NFE2L2: variants seen among roughly 807,000 people sequenced by gnomAD.
NFE2L2 encodes the protein nuclear factor erythroid 2-related factor 2.
Under a neutral mutation model 49.6 loss-of-function variants are expected in NFE2L2, and 20 were observed. The observed-to-expected ratio is 0.40, with a 90% CI of 0.28 to 0.59. The LOEUF (loss-of-function observed/expected upper bound fraction) is 0.59. Ranked by LOEUF, NFE2L2 falls within the 20% of genes least tolerant of loss-of-function variation. NFE2L2 has a pLI of 0.40. For missense variants in NFE2L2, 578 were observed against 714.2 expected (o/e 0.81, Z 2.17); for synonymous variants, 244 against 256.5 (o/e 0.95, Z 0.47).
intron 1 of NFE2L2, among the ~76,000 whole-genome samples, chr2:177,255,279 C>T (rs1024018845): frequency 1.3e-5 from 2 of 152,174 alleles, no homozygotes; most frequent in African/African-American, 4.8e-5. Context: ...ATACATTCCC[C>T]CTCCTTCCTG....
rs143406266 is a variant in NFE2L2, at chr2:177,264,662, T to TGGCGGCGGC, written c.-95_-87dup. The TGGCGGCGGC allele has an allele frequency of 8.5e-7, 1 of 1,176,876 alleles. No individual in the cohort carries two copies. Among genetic ancestry groups the TGGCGGCGGC allele is most frequent in the Non-Finnish European group, 1.1e-6 (1 of 912,692 alleles). The allele number at this position is 1,176,876 out of a possible 1,614,324, so 72.9% of individuals were successfully genotyped here. A position where few individuals can be genotyped will look rare whatever the true frequency, so the allele number is the denominator to read the frequency against. On this transcript the variant is annotated 5_prime_UTR_variant, in exon 1 of 5. Coordinates refer to ENST00000397062, the MANE Select transcript of NFE2L2 (RefSeq NM_006164.5). Reference sequence around the variant, plus strand: ...CGCGGCGCGGACAGGGCGGCTCTGGTGGCGGCGGCGGCGGCGGTGGCGGCT... The same window carrying TGGCGGCGGC: ...CGCGGCGCGGACAGGGCGGCTCTGGTGGCGGCGGCGGCGGCGGCGGCGGCGGTGGCGGCT...
At chr2:177,259,615 T>G (rs1226590452) in intron 1 of NFE2L2, among the ~76,000 whole-genome samples, 1 of 151,618 alleles carries the variant, frequency 6.6e-6, no homozygotes, top group Non-Finnish European at 1.5e-5. Flanking sequence ...CTTGTTTTCA[T>G]GTCTAGGGTA....
chr2:177,258,340 C>T (rs1449469074), intron 1 of NFE2L2, among the ~76,000 whole-genome samples: 1 of 151,876 alleles, frequency 6.6e-6, no homozygotes, highest in African/African-American at 2.4e-5. Context: ...AGGATAAATA[C>T]TGTATGATTC....
At chr2:177,236,633 C>A (rs1028296508) in intron 1 of NFE2L2, among the ~76,000 whole-genome samples, 1 of 152,192 alleles carries the variant, frequency 6.6e-6, no homozygotes, top group East Asian at 1.9e-4. Context: ...CATACCCAGG[C>A]AGCTTCAGTC....
intron 1 of NFE2L2, among the ~76,000 whole-genome samples, chr2:177,235,033 C>T (rs1227185290): frequency 3.3e-5 from 5 of 151,518 alleles, no homozygotes; most frequent in African/African-American, 1.2e-4. Context: ...GGAGAATCGG[C>T]TTGAACCTGG....
intron 2 of NFE2L2, 111 bp from the exon 3 acceptor site, chr2:177,233,450 ATATT>A: frequency 1.2e-6 from 1 of 831,860 alleles, no homozygotes; most frequent in Non-Finnish European, 1.9e-6. Context: ...AGTTAAGTAA[ATATT>A]TATCTTATTT....
chr2:177,235,613 G>A (rs1388910904), intron 1 of NFE2L2, among the ~76,000 whole-genome samples: 2 of 152,066 alleles, frequency 1.3e-5, no homozygotes, highest in Non-Finnish European at 2.9e-5. Context: ...GAGGATTGCT[G>A]GAGCACAGGA....
At chr2:177,261,647 A>T (rs979360211) in intron 1 of NFE2L2, among the ~76,000 whole-genome samples, 1 of 152,194 alleles carries the variant, frequency 6.6e-6, no homozygotes, top group Non-Finnish European at 1.5e-5. Flanking sequence ...TGGTTTTCCC[A>T]ACCTGGAAAC....
chr2:177,260,523 T>C (rs772426765), intron 1 of NFE2L2, among the ~76,000 whole-genome samples: 1 of 152,240 alleles, frequency 6.6e-6, no homozygotes, highest in Non-Finnish European at 1.5e-5. Flanking sequence ...TGAGCCCTTA[T>C]GCTTGCTATA....
intron 1 of NFE2L2, among the ~76,000 whole-genome samples, chr2:177,254,917 CTG>C (rs1448766479): frequency 6.6e-6 from 1 of 152,218 alleles, no homozygotes; most frequent in Non-Finnish European, 1.5e-5. Flanking sequence ...CCAGTTCTGT[CTG>C]TATTCAGATG....
chr2:177,236,582 T>G (rs1044748582), intron 1 of NFE2L2, among the ~76,000 whole-genome samples: 7 of 152,134 alleles, frequency 4.6e-5, no homozygotes, highest in African/African-American at 1.4e-4. Context: ...ATACTGAGGT[T>G]AAGAAAAAAG....
At chr2:177,253,210 C>A (rs1248715126) in intron 1 of NFE2L2, among the ~76,000 whole-genome samples, 1 of 152,208 alleles carries the variant, frequency 6.6e-6, no homozygotes, top group Non-Finnish European at 1.5e-5. Context: ...TCTCTGAGCA[C>A]CCCAGTTAGA....
At chr2:177,262,706 G>A (rs555708951) in intron 1 of NFE2L2, among the ~76,000 whole-genome samples, 1 of 152,248 alleles carries the variant, frequency 6.6e-6, no homozygotes, top group African/African-American at 2.4e-5. Flanking sequence ...TATAAGGAAT[G>A]TTATATTACA....
At chr2:177,235,072 G>C (rs528618950) in intron 1 of NFE2L2, among the ~76,000 whole-genome samples, 1 of 151,448 alleles carries the variant, frequency 6.6e-6, no homozygotes, top group Non-Finnish European at 1.5e-5. Flanking sequence ...AGCTGAGATC[G>C]CACCACTGCA....
intron 3 of NFE2L2, chr2:177,232,986 G>C: frequency 5.9e-6 from 3 of 510,776 alleles, no homozygotes; most frequent in Non-Finnish European, 1.0e-5. Context: ...TGTTTCCATG[G>C]TTATGCTGTC....
intron 1 of NFE2L2, among the ~76,000 whole-genome samples, chr2:177,241,129 C>T (rs1022633107): frequency 3.9e-5 from 6 of 152,104 alleles, no homozygotes; most frequent in Admixed American, 1.3e-4. Flanking sequence ...CAACAGAAAG[C>T]GAAACTGAGC....
chr2:177,230,807 T>C lies in NFE2L2; in HGVS notation c.1796A>G (p.Lys599Arg). 2 of 1,587,874 alleles carry C rather than the reference T, an allele frequency of 1.3e-6. No individual in the cohort carries two copies. The highest frequency in any genetic ancestry group is 1.7e-6 in the Non-Finnish European group (2 of 1,172,150). Residue 599 changes from lysine (K) to arginine (R), a missense_variant, in exon 5 of 5, where the codon AAG becomes AGG. Coordinates refer to ENST00000397062, the MANE Select transcript of NFE2L2 (RefSeq NM_006164.5). ...AATCTAGTTTTTCTTAACATCTGGC[T>C]TCTTACTTTTGGGAACAAGGAAAAC... is the stretch of plus-strand genomic sequence containing the variant. ...GNVFLVPKSKKPDVKKN is the reference protein window; with the variant it reads ...GNVFLVPKSKRPDVKKN
Position 177,238,130 on chromosome 2 carries a change from G to A in NFE2L2, c.46-3859C>T, listed in dbSNP as rs545776482. Among the ~76,000 whole-genome samples, 9 of 152,302 alleles carry A rather than the reference G, an allele frequency of 5.9e-5. No homozygotes were observed. In the South Asian group the frequency reaches 1.2e-3, roughly 21 times the overall value. On this transcript the variant is annotated intron_variant, in intron 1 of 4. Transcript: ENST00000397062. ...GAAACTCAAATACTTGTCCCTGTAC[G>A]TGGGGAAAAGTGTACTTTGACACAT...
intron 1 of NFE2L2, among the ~76,000 whole-genome samples, chr2:177,256,670 C>G (rs940167970): frequency 6.6e-6 from 1 of 152,142 alleles, no homozygotes; most frequent in Non-Finnish European, 1.5e-5. Context: ...ATACCATTTT[C>G]AAAATCTTAA....
Sources: gnomAD v4.1 joint callset for allele counts (sites outside exome capture counted in the v4.1 genomes callset) on GRCh38, gnomAD v4.1.1 for gene constraint, MANE v1.5 for transcripts, NCBI Gene and HGNC (gene_info 2026-07-23, HGNC 2026-07-21) for gene names.